Variants in BTBD3 observed in about 807,000 individuals in gnomAD.
BTBD3 encodes BTB domain containing 3, also known as BTB/POZ domain-containing protein 3.
In BTBD3, 14 loss-of-function variants were observed where a neutral mutation model predicts 41.6. The observed-to-expected ratio is 0.34, with a 90% CI of 0.22 to 0.53. BTBD3 has a LOEUF of 0.53. BTBD3 is among the 20% of genes least tolerant of loss of function. The probability of loss-of-function intolerance (pLI) is 0.95; values close to 1 mark genes in which losing one functional copy is unlikely to be tolerated. For synonymous variants in BTBD3, 249 were observed against 233.7 expected, an observed-to-expected ratio of 1.07 and a Z score of -0.60; for missense variants, 426 against 654.7, an observed-to-expected ratio of 0.65 and a Z score of 3.81.
chr20:11,891,663 TTTGCTCTC>T (rs1467298679), intron 1 of BTBD3, among the ~76,000 whole-genome samples: 1 of 152,146 alleles, frequency 6.6e-6, no homozygotes, highest in Non-Finnish European at 1.5e-5. Context: ...AAGAAGGATG[TTTGCTCTC>T]TTGGGAAGAA....
chr20:11,919,941 TGAAGAAAGA>T lies in BTBD3; in HGVS notation c.536+107_536+115del, dbSNP rs1398587386. On this transcript the variant is annotated intron_variant, in intron 3 of 3. Coordinates refer to ENST00000378226, the MANE Select transcript of BTBD3 (RefSeq NM_014962.4). The stretch of plus-strand genomic sequence containing the variant: ...TCTGCATAACAGAAAAGAAGACTGA[TGAAGAAAGA>T]GGGTGCTGCTTACCTTGTAAATGTT... 3.0e-3 allele frequency: 2,939 copies of T among 979,744 alleles called. 48 individuals are homozygous for T. The African/African-American group carries it at 0.042, about 14-fold the overall frequency. 60.7% of individuals were successfully genotyped at this position (979,744 alleles called of 1,614,324 possible). A position where few individuals can be genotyped will look rare whatever the true frequency, so the allele number is the denominator to read the frequency against.
Position 11,917,933 on chromosome 20 carries a change from C to T in BTBD3, c.-343C>T, listed in dbSNP as rs2056929854. On this transcript the variant is annotated 5_prime_UTR_variant, in exon 1 of 4. Coordinates refer to ENST00000378226, the MANE Select transcript of BTBD3 (RefSeq NM_014962.4). ...CCGGCTGAACAGACTCACGCAGCTC[C>T]AGCCCATCTTGCTGACCTAATTCAG... 6.8e-6 allele frequency: 7 copies of T among 1,026,338 alleles called. No individual in the cohort carries two copies. Among genetic ancestry groups the T allele is most frequent in the Non-Finnish European group, 7.0e-6 (6 of 855,092 alleles). The allele number at this position is 1,026,338 out of a possible 1,614,324, so 63.6% of individuals were successfully genotyped here. A position where few individuals can be genotyped will look rare whatever the true frequency, so the allele number is the denominator to read the frequency against.
chr20:11,901,261 T>C (rs1017293610), intron 1 of BTBD3, among the ~76,000 whole-genome samples: 1 of 152,174 alleles, frequency 6.6e-6, no homozygotes, highest in Non-Finnish European at 1.5e-5. Flanking sequence ...GACATCAGTG[T>C]TGGGTGGAGG....
At chr20:11,910,978 A>G (rs1034092864) in intron 1 of BTBD3, among the ~76,000 whole-genome samples, 1 of 152,218 alleles carries the variant, frequency 6.6e-6, no homozygotes. Flanking sequence ...AATGTAGTTC[A>G]GCCAGAATTC....
At chr20:11,896,305 A>G (rs1024012538) in intron 1 of BTBD3, among the ~76,000 whole-genome samples, 6 of 152,244 alleles carry the variant, frequency 3.9e-5, no homozygotes, top group African/African-American at 1.4e-4. Context: ...GGCTGTCGGT[A>G]GTCTAAGATG....
chr20:11,909,630 T>A (rs553230507), intron 1 of BTBD3: 1 of 152,214 alleles, frequency 6.6e-6, no homozygotes, highest in Non-Finnish European at 1.5e-5. Context: ...AAAATAACTA[T>A]ATTTCATTCT....
At chr20:11,907,166 A>G (rs186209816) in intron 1 of BTBD3, among the ~76,000 whole-genome samples, 145 of 152,344 alleles carry the variant, frequency 9.5e-4, no homozygotes, top group African/African-American at 3.4e-3. Context: ...ATTAAATTTT[A>G]GACTTTTAAT....
chr20:11,919,588 T>G, intron 2 of BTBD3, 130 bp from the exon 3 acceptor site: 1 of 1,189,908 alleles, frequency 8.4e-7, no homozygotes, highest in Non-Finnish European at 1.2e-6. Context: ...GTACCTTGGC[T>G]TTTTCAAAGC....
chr20:11,917,920 A>G lies in BTBD3; in HGVS notation c.-356A>G. The G allele has an allele frequency of 3.9e-6, 4 of 1,018,648 alleles. No homozygotes were observed. Among genetic ancestry groups the G allele is most frequent in the Non-Finnish European group, 4.7e-6 (4 of 850,126 alleles). 63.1% of individuals were successfully genotyped at this position (1,018,648 alleles called of 1,614,324 possible). ...CACACAACTTCAGCCGGCTGAACAG[A>G]CTCACGCAGCTCCAGCCCATCTTGC... On this transcript the variant is annotated 5_prime_UTR_variant, in exon 1 of 4. Transcript: ENST00000378226.
intron 1 of BTBD3, among the ~76,000 whole-genome samples, chr20:11,895,033 C>T (rs2056778094): frequency 6.6e-6 from 1 of 152,100 alleles, no homozygotes; most frequent in Non-Finnish European, 1.5e-5. Flanking sequence ...ATGAAGCGCT[C>T]CTATACCGCC....
upstream of BTBD3, chr20:11,917,858 C>T: frequency 1.1e-6 from 1 of 947,744 alleles, no homozygotes; most frequent in Non-Finnish European, 1.3e-6. Flanking sequence ...ACTCCATCTG[C>T]AGGGCTGTAA....
At chr20:11,898,639 T>TTGAA (rs1347479322) in intron 1 of BTBD3, among the ~76,000 whole-genome samples, 50 of 152,348 alleles carry the variant, frequency 3.3e-4, no homozygotes, top group African/African-American at 1.2e-3. Context: ...TAAATATTTT[T>TTGAA]TGAATGAATG....
chr20:11,900,056 A>G (rs6040976), intron 1 of BTBD3, among the ~76,000 whole-genome samples: 110,750 of 152,154 alleles, frequency 0.73, 40,785 homozygotes, highest in Non-Finnish European at 0.78. Context: ...ATGATGCTAT[A>G]TAAGTAAGAG....
chr20:11,893,484 C>T (rs987545692), intron 1 of BTBD3, among the ~76,000 whole-genome samples: 2 of 152,216 alleles, frequency 1.3e-5, no homozygotes, highest in Admixed American at 6.5e-5. Context: ...AATAATCTTT[C>T]ACTTAATCTT....
At chr20:11,890,870 G>T in exon 1 of BTBD3, 1 of 985,100 alleles carries the variant, frequency 1.0e-6, no homozygotes, top group Non-Finnish European at 1.2e-6. Flanking sequence ...CTGGATCTCC[G>T]AGTGCCCCGG....
intron 1 of BTBD3, among the ~76,000 whole-genome samples, chr20:11,911,148 A>T (rs1184993884): frequency 6.6e-6 from 1 of 152,054 alleles, no homozygotes; most frequent in African/African-American, 2.4e-5. Context: ...AAGAAAGGAA[A>T]AAAAAAAGCC....
intron 3 of BTBD3, among the ~76,000 whole-genome samples, chr20:11,920,139 T>C (rs1403099211): frequency 1.3e-5 from 2 of 152,234 alleles, no homozygotes; most frequent in Admixed American, 6.5e-5. Flanking sequence ...CATTATTTAA[T>C]AGAAGATGTT....
intron 1 of BTBD3, chr20:11,910,217 G>A (rs1465273600): frequency 4.4e-5 from 6 of 135,070 alleles, no homozygotes; most frequent in South Asian, 2.2e-4. Context: ...ACTATCTTTC[G>A]AATATCAGAA....
rs138521149 is a variant in BTBD3, at chr20:11,912,691, G to A, written c.-125-5643G>A. On this transcript the variant is annotated intron_variant, in intron 1 of 4. Coordinates refer to the BTBD3 transcript ENST00000254977. The stretch of plus-strand genomic sequence containing the variant: ...TGGTGAGAACTTACCTTTGTAGACT[G>A]TTTTTAACTAAAGTGCTTTCACAAA... 4.6e-5 allele frequency among the ~76,000 whole-genome samples: 7 copies of A among 152,314 alleles called. No homozygotes were observed. The East Asian group carries it at 1.2e-3, about 25-fold the overall frequency.
Sources: allele counts gnomAD v4.1 joint callset (sites outside exome capture counted in the v4.1 genomes callset), GRCh38; gene constraint gnomAD v4.1.1; transcripts MANE v1.5; gene names NCBI Gene and HGNC (gene_info 2026-07-23, HGNC 2026-07-21).